Variants in WARS2 observed in about 807,000 individuals in gnomAD.
The protein encoded by WARS2 is tryptophanyl tRNA synthetase 2, mitochondrial, also known as tryptophan--tRNA ligase, mitochondrial.
WARS2 carries 28 observed loss-of-function variants against 36.5 expected under a neutral mutation model. The ratio of observed to expected loss-of-function variants is 0.77; its 90% CI spans 0.57 to 1.05. The LOEUF (loss-of-function observed/expected upper bound fraction) is 1.05, where lower values mean the gene tolerates loss of function less well. WARS2 is among the 50% of genes least tolerant of loss of function. The probability of loss-of-function intolerance (pLI) is 0.00; values close to 1 mark genes in which losing one functional copy is unlikely to be tolerated. For synonymous variants in WARS2, 174 were observed against 178.4 expected, an observed-to-expected ratio of 0.98 and a Z score of 0.20; for missense variants, 435 against 456.8, an observed-to-expected ratio of 0.95 and a Z score of 0.44.
chr1:119,049,064 T>C (rs1649115350), intron 2 of WARS2, among the ~76,000 whole-genome samples: 1 of 152,080 alleles, frequency 6.6e-6, no homozygotes, highest in Non-Finnish European at 1.5e-5. Context: ...GGAGCGAGAC[T>C]CTGTCCCAAA....
intron 1 of WARS2, among the ~76,000 whole-genome samples, chr1:119,106,432 T>G (rs1571366658): frequency 6.6e-6 from 1 of 152,214 alleles, no homozygotes; most frequent in African/African-American, 2.4e-5. Context: ...GTAGGAGAGT[T>G]TCACTGCCCT....
intron 3 of WARS2, among the ~76,000 whole-genome samples, chr1:119,044,571 G>T (rs1648636267): frequency 6.6e-6 from 1 of 152,218 alleles, no homozygotes; most frequent in Non-Finnish European, 1.5e-5. Context: ...CAGCTAGGTG[G>T]CTTATAAACA....
chr1:119,134,167 T>C (rs1462337269), intron 1 of WARS2, among the ~76,000 whole-genome samples: 1 of 151,244 alleles, frequency 6.6e-6, no homozygotes, highest in Non-Finnish European at 1.5e-5. Context: ...AATCAGAACA[T>C]GAAGATAAGA....
chr1:119,093,378 T>G (rs2101417784), intron 1 of WARS2, among the ~76,000 whole-genome samples: 1 of 151,548 alleles, frequency 6.6e-6, no homozygotes, highest in African/African-American at 2.4e-5. Context: ...GTAGGTTGAA[T>G]TATGTCCCTC....
At chr1:119,101,630 A>C (rs1467742617) in intron 1 of WARS2, among the ~76,000 whole-genome samples, 4 of 152,208 alleles carry the variant, frequency 2.6e-5, no homozygotes, top group African/African-American at 9.7e-5. Context: ...CTTGGTGTTC[A>C]CTTATCACAT....
At chr1:119,053,869 G>A (rs1283099175) in intron 2 of WARS2, among the ~76,000 whole-genome samples, 1 of 151,878 alleles carries the variant, frequency 6.6e-6, no homozygotes, top group African/African-American at 2.4e-5. Context: ...ACACAAGAAG[G>A]CCCCATCTCT....
intron 1 of WARS2, among the ~76,000 whole-genome samples, chr1:119,119,050 G>T (rs1335399715): frequency 2.6e-5 from 4 of 152,226 alleles, no homozygotes; most frequent in Non-Finnish European, 5.9e-5. Flanking sequence ...CAACTAGCAT[G>T]ATGAATAAAA....
chr1:119,049,613 C>T (rs1649165864), intron 2 of WARS2, among the ~76,000 whole-genome samples: 1 of 152,214 alleles, frequency 6.6e-6, no homozygotes, highest in Admixed American at 6.5e-5. Flanking sequence ...TCAAGCTCAA[C>T]ACATCCAAAA....
At chr1:119,086,343 C>T (rs1652665718) in intron 1 of WARS2, among the ~76,000 whole-genome samples, 1 of 152,208 alleles carries the variant, frequency 6.6e-6, no homozygotes, top group Non-Finnish European at 1.5e-5. Context: ...ATCCTTTGGC[C>T]AGCAGCTGAG....
intron 1 of WARS2, chr1:119,082,561 T>C (rs1652280327): frequency 3.9e-6 from 2 of 510,486 alleles, no homozygotes; most frequent in Non-Finnish European, 5.0e-6. Flanking sequence ...CTCTTGCCAC[T>C]GGACTCCAAA....
chr1:119,048,008 A>C (rs1649003546), intron 2 of WARS2, among the ~76,000 whole-genome samples: 1 of 152,230 alleles, frequency 6.6e-6, no homozygotes, highest in African/African-American at 2.4e-5. Flanking sequence ...CATACAATGT[A>C]CCTCAGGAAA....
At chr1:119,072,318 A>G (rs1394507442) in intron 2 of WARS2, among the ~76,000 whole-genome samples, 1 of 152,206 alleles carries the variant, frequency 6.6e-6, no homozygotes, top group East Asian at 1.9e-4. Flanking sequence ...CTTCTACTCA[A>G]ATTAATGAAA....
At chr1:119,130,613 TTAAA>T (rs1656032808) in intron 1 of WARS2, among the ~76,000 whole-genome samples, 1 of 152,158 alleles carries the variant, frequency 6.6e-6, no homozygotes. Context: ...ACTTTTGTAA[TTAAA>T]TAAATAAAAA....
chr1:119,080,036 A>G (rs756036942), intron 1 of WARS2, among the ~76,000 whole-genome samples: 7 of 152,164 alleles, frequency 4.6e-5, no homozygotes, highest in Non-Finnish European at 7.3e-5. Flanking sequence ...GGACCTAGGA[A>G]CCCTAACCAG....
chr1:119,064,930 T>C (rs555012322), intron 2 of WARS2: 2 of 152,112 alleles, frequency 1.3e-5, no homozygotes, highest in Non-Finnish European at 2.9e-5. Context: ...AATCAGAAAA[T>C]AGAAAGTATT....
intron 1 of WARS2, among the ~76,000 whole-genome samples, chr1:119,138,673 TCA>T (rs1444550094): frequency 6.6e-6 from 1 of 152,156 alleles, no homozygotes; most frequent in Non-Finnish European, 1.5e-5. Context: ...GTATCTTTTC[TCA>T]GTCTTTCAAA....
At chr1:119,042,674 C>T (rs1648471279) in intron 3 of WARS2, among the ~76,000 whole-genome samples, 2 of 152,004 alleles carry the variant, frequency 1.3e-5, no homozygotes, top group South Asian at 2.1e-4. Flanking sequence ...CCAGATTTCA[C>T]AGACAAGGCC....
chr1:119,044,980 G>T (rs552383958), intron 3 of WARS2, among the ~76,000 whole-genome samples: 1 of 152,192 alleles, frequency 6.6e-6, no homozygotes, highest in African/African-American at 2.4e-5. Flanking sequence ...TACCTCAAAA[G>T]AAGCTTGAAA....
intron 1 of WARS2, among the ~76,000 whole-genome samples, chr1:119,138,905 G>C (rs973289486): frequency 2.0e-5 from 3 of 152,134 alleles, no homozygotes; most frequent in Admixed American, 2.0e-4. Flanking sequence ...AACAATAGTA[G>C]AGGTTTAAGA....
Sources: gnomAD v4.1 joint callset for allele counts (sites outside exome capture counted in the v4.1 genomes callset) on GRCh38, gnomAD v4.1.1 for gene constraint, MANE v1.5 for transcripts, NCBI Gene and HGNC (gene_info 2026-07-23, HGNC 2026-07-21) for gene names.